The following GDPD5 variants were observed in gnomAD, a reference collection of about 807,000 sequenced individuals.
GDPD5 encodes the protein glycerophosphodiester phosphodiesterase domain containing 5, also known as glycerophosphodiester phosphodiesterase 2.
GDPD5 carries 48 observed loss-of-function variants against 75.1 expected under a neutral mutation model. The ratio of observed to expected loss-of-function variants is 0.64; its 90% CI spans 0.51 to 0.81. GDPD5 has a LOEUF of 0.81. Among genes scored for constraint, GDPD5 ranks in the 40% least tolerant of loss-of-function variants. GDPD5 has a pLI of 0.00. For missense variants in GDPD5, 706 were observed against 822.6 expected, an observed-to-expected ratio of 0.86 and a Z score of 1.73; for synonymous variants, 336 against 339.0, an observed-to-expected ratio of 0.99 and a Z score of 0.10.
intron 1 of GDPD5, among the ~76,000 whole-genome samples, chr11:75,512,458 G>A (rs1950543831): frequency 6.6e-6 from 1 of 152,160 alleles, no homozygotes; most frequent in Non-Finnish European, 1.5e-5. Context: ...TGGCACAGGG[G>A]TCAAGCCGCG....
intron 1 of GDPD5, among the ~76,000 whole-genome samples, chr11:75,523,268 C>T (rs2135523737): frequency 6.6e-6 from 1 of 152,330 alleles, no homozygotes; most frequent in South Asian, 2.1e-4. Context: ...TCACGCCCAC[C>T]TGGTCTGTCT....
At chr11:75,443,353 T>G in intron 10 of GDPD5, 67 bp from the exon 11 acceptor site, 1 of 1,522,294 alleles carries the variant, frequency 6.6e-7, no homozygotes, top group Non-Finnish European at 8.8e-7. Context: ...CCAATGATCG[T>G]CACCCCACAC....
chr11:75,464,509 C>T (rs1238490552), intron 3 of GDPD5, among the ~76,000 whole-genome samples: 1 of 152,176 alleles, frequency 6.6e-6, no homozygotes, highest in Admixed American at 6.5e-5. Flanking sequence ...GGGCTGGTGC[C>T]TGGGTGACCC....
chr11:75,480,266 C>T (rs994388498), intron 2 of GDPD5, among the ~76,000 whole-genome samples: 1 of 150,232 alleles, frequency 6.7e-6, no homozygotes, highest in Non-Finnish European at 1.5e-5. Flanking sequence ...ACCTGGGAGG[C>T]AGAGGTTGTC....
intron 1 of GDPD5, among the ~76,000 whole-genome samples, chr11:75,496,779 C>CTT (rs544914858): frequency 1.0e-3 from 106 of 103,134 alleles, no homozygotes; most frequent in African/African-American, 2.6e-3. Flanking sequence ...TTCTTTCTTT[C>CTT]TTTTTTTTTT....
Position 75,442,426 on chromosome 11 carries a change from G to A in GDPD5, c.1104C>T (p.Tyr368=), listed in dbSNP as rs930625626. 7 of 1,608,646 alleles carry A rather than the reference G, an allele frequency of 4.4e-6. No homozygotes were observed. The African/African-American group carries it at 6.7e-5, about 15-fold the overall frequency. The change falls in exon 12 of 17, where the codon TAC becomes TAT. Residue 368 remains tyrosine, a synonymous_variant. Transcript: ENST00000336898. ...NLRDPPREHP[Y]RSSFINVTLE... ...GAGTCACGTTGATAAAACTGCTGCGGTAGGGGTGCTCCCGGGGCGGGTCAC... is the reference window on the plus strand; with the variant it reads ...GAGTCACGTTGATAAAACTGCTGCGATAGGGGTGCTCCCGGGGCGGGTCAC...
chr11:75,498,974 G>A (rs1377134567), intron 1 of GDPD5, among the ~76,000 whole-genome samples: 1 of 152,140 alleles, frequency 6.6e-6, no homozygotes, highest in Non-Finnish European at 1.5e-5. Flanking sequence ...GAGCTTGGCT[G>A]GAAATAGCCT....
At chr11:75,484,012 C>T (rs1230269822) in intron 2 of GDPD5, among the ~76,000 whole-genome samples, 2 of 152,100 alleles carry the variant, frequency 1.3e-5, no homozygotes, top group Non-Finnish European at 2.9e-5. Flanking sequence ...CATGGTGAAA[C>T]CCCGTCCCTA....
At chr11:75,447,342 A>G (rs1427977399) in intron 9 of GDPD5, among the ~76,000 whole-genome samples, 1 of 152,222 alleles carries the variant, frequency 6.6e-6, no homozygotes, top group Non-Finnish European at 1.5e-5. Flanking sequence ...GATAATATTA[A>G]GGAATCATTA....
chr11:75,493,363 A>C (rs1288079344), intron 1 of GDPD5, among the ~76,000 whole-genome samples: 1 of 95,684 alleles, frequency 1.0e-5, no homozygotes, highest in Non-Finnish European at 2.6e-5. Context: ...GCCCTAGTTA[A>C]ACTCTTCTCT....
At chr11:75,439,993 G>C (rs758593101) in intron 14 of GDPD5, 32 bp from the exon 15 acceptor site, 1 of 1,540,130 alleles carries the variant, frequency 6.5e-7, no homozygotes, top group South Asian at 1.1e-5. Flanking sequence ...CCAACTTCCA[G>C]TCATGGCCAG....
chr11:75,493,960 C>T (rs1432347675), intron 1 of GDPD5, among the ~76,000 whole-genome samples: 4 of 151,990 alleles, frequency 2.6e-5, no homozygotes, highest in South Asian at 2.1e-4. Flanking sequence ...AACATGAAGT[C>T]TGGTATTAAT....
chr11:75,510,375 C>T (rs1193211390), intron 1 of GDPD5, among the ~76,000 whole-genome samples: 2 of 152,244 alleles, frequency 1.3e-5, no homozygotes, highest in Non-Finnish European at 2.9e-5. Flanking sequence ...CCACAAACAC[C>T]CACTGGGCAC....
chr11:75,517,731 T>C (rs1271155081), intron 1 of GDPD5, among the ~76,000 whole-genome samples: 1 of 152,024 alleles, frequency 6.6e-6, no homozygotes, highest in African/African-American at 2.4e-5. Flanking sequence ...CAGAGTTGGA[T>C]GACTTAAGTG....
Position 75,449,054 on chromosome 11 carries a change from T to C in GDPD5, c.637A>G (p.Ile213Val), listed in dbSNP as rs763672516. Residue 213 changes from isoleucine to valine, a missense_variant, in exon 9 of 17, where the codon ATC (isoleucine) becomes GTC (valine). Physicochemically the swap from Ile to Val is conservative, Grantham distance 29. Coordinates refer to ENST00000336898, the MANE Select transcript of GDPD5 (RefSeq NM_030792.8). The part of the protein sequence containing the change: ...VFALYLAPLT[I>V]SSPCIMEKKD... ...TTCTCCATGATGCAGGGAGAGGAGATGGTGAGAGGGGCCAGGTAGAGGGCA... is the reference window on the plus strand; with the variant it reads ...TTCTCCATGATGCAGGGAGAGGAGACGGTGAGAGGGGCCAGGTAGAGGGCA... 2 of 1,603,506 alleles carry C rather than the reference T, an allele frequency of 1.2e-6. No homozygotes were observed. Among genetic ancestry groups the C allele is most frequent in the Non-Finnish European group, 1.7e-6 (2 of 1,176,384 alleles).
chr11:75,487,702 TC>T (rs577590246), intron 2 of GDPD5, among the ~76,000 whole-genome samples: 16 of 152,208 alleles, frequency 1.1e-4, no homozygotes, highest in Admixed American at 1.3e-4. Flanking sequence ...GACTAGCTCT[TC>T]CCCAAATCAG....
intron 14 of GDPD5, 69 bp from the exon 15 acceptor site, chr11:75,440,030 T>C (rs191174787): frequency 2.4e-6 from 3 of 1,255,972 alleles, no homozygotes; most frequent in African/African-American, 1.5e-5. Flanking sequence ...AGACTGAGGG[T>C]CCGTGGACCA....
chr11:75,449,420 C>G lies in GDPD5; in HGVS notation c.568+97G>C, dbSNP rs1949071073. On this transcript the variant is annotated intron_variant, in intron 8 of 16. Transcript: ENST00000336898. ...TGAGTGCAGGGGCCCCACCCCATCC[C>G]CAGGCCACCCCCAGGGAAAGCCCAG... The G allele has an allele frequency of 7.0e-6, 9 of 1,282,172 alleles. No homozygotes were observed. The South Asian group carries it at 9.6e-5, about 14-fold the overall frequency. The allele number at this position is 1,282,172 out of a possible 1,614,324, so 79.4% of individuals were successfully genotyped here.
intron 3 of GDPD5, among the ~76,000 whole-genome samples, chr11:75,466,707 C>T (rs760592495): frequency 2.0e-5 from 3 of 152,200 alleles, no homozygotes; most frequent in Non-Finnish European, 2.9e-5. Context: ...AAGTGCCACT[C>T]ACATCATGGT....
Sources: gnomAD v4.1 joint callset for allele counts (sites outside exome capture counted in the v4.1 genomes callset) on GRCh38, gnomAD v4.1.1 for gene constraint, MANE v1.5 for transcripts, NCBI Gene and HGNC (gene_info 2026-07-23, HGNC 2026-07-21) for gene names.